CCDC192: variants seen among roughly 807,000 people sequenced by gnomAD.
CCDC192 encodes coiled-coil domain-containing protein 192.
intron 3 of CCDC192, among the ~76,000 whole-genome samples, chr5:127,762,522 T>A (rs777275644): frequency 2.0e-5 from 3 of 152,220 alleles, no homozygotes; most frequent in Non-Finnish European, 4.4e-5. Flanking sequence ...GAGATGGTGT[T>A]GTTTTGAATA....
At chr5:127,754,774 G>C (rs767519604) in intron 3 of CCDC192, among the ~76,000 whole-genome samples, 5 of 152,180 alleles carry the variant, frequency 3.3e-5, no homozygotes, top group Admixed American at 6.5e-5. Context: ...CCATGCAGAA[G>C]TAATTTTCTT....
chr5:127,719,835 G>GA (rs1554068217), intron 2 of CCDC192, among the ~76,000 whole-genome samples: 4 of 134,668 alleles, frequency 3.0e-5, no homozygotes, highest in African/African-American at 1.3e-4. Flanking sequence ...AGGAAGGGGC[G>GA]GGGGAGGTGA....
At chr5:127,913,492 T>C (rs1753433735) in intron 6 of CCDC192, among the ~76,000 whole-genome samples, 1 of 152,246 alleles carries the variant, frequency 6.6e-6, no homozygotes, top group Non-Finnish European at 1.5e-5. Flanking sequence ...GGTTCACTTC[T>C]ACCTAGACCG....
intron 6 of CCDC192, among the ~76,000 whole-genome samples, chr5:127,912,842 CTAATCATAGA>C (rs1753414808): frequency 6.6e-6 from 1 of 152,130 alleles, no homozygotes; most frequent in Admixed American, 6.5e-5. Context: ...AGGCTTATAC[CTAATCATAGA>C]ATAAAACACA....
In CCDC192 at chr5:127,726,566, A is replaced by G. The variant is rs114787374; in HGVS notation, c.114+18806A>G. ...GCCATCACTGCAGCTCCAGTCTGCC[A>G]TTTTCTCCTGTGGGTGCTGGGGAGG... On this transcript the variant is annotated intron_variant, in intron 2 of 6. Transcript: ENST00000514853. Among the ~76,000 whole-genome samples, 951 of 152,260 alleles carry G rather than the reference A, an allele frequency of 6.2e-3. 6 individuals are homozygous for G. The highest frequency in any genetic ancestry group is 0.01 in the Non-Finnish European group (706 of 68,024).
rs67683440 is a variant in CCDC192, at chr5:127,847,821, TTAAATAAATAAATAAA to T, written c.412-27698_412-27683del. Among the ~76,000 whole-genome samples, 3 of 142,782 alleles carry T rather than the reference TTAAATAAATAAATAAA, an allele frequency of 2.1e-5. No individual in the cohort carries two copies. In the East Asian group the frequency reaches 6.2e-4, roughly 30 times the overall value. 93.7% of individuals were successfully genotyped at this position (142,782 alleles called of 152,430 possible). On this transcript the variant is annotated intron_variant, in intron 5 of 6. Coordinates refer to ENST00000514853, the MANE Select transcript of CCDC192 (RefSeq NM_001317938.2). ...CTGGGCAACAGAGTGAGACTCCATC[TTAAATAAATAAATAAA>T]TAAATAAATAAATAAATACATAAAT...
At position 127,863,732 on chromosome 5, in the gene CCDC192, GA is replaced by G. The variant is rs545917338; in HGVS notation, c.412-11798del. ...TGCACTTTAAAATCACAATTAAAAA[GA>G]AAAAAAAGTCTTCGAGTTGAAAAGT... On this transcript the variant is annotated intron_variant, in intron 5 of 6. Coordinates refer to ENST00000514853, the MANE Select transcript of CCDC192 (RefSeq NM_001317938.2). Among the ~76,000 whole-genome samples the G allele has an allele frequency of 1.0e-3, 158 of 151,610 alleles. No homozygotes were observed. The South Asian group carries it at 0.014, about 14-fold the overall frequency.
intron 5 of CCDC192, among the ~76,000 whole-genome samples, chr5:127,851,993 A>T (rs72790402): frequency 0.052 from 7,869 of 152,346 alleles, 297 homozygotes; most frequent in Middle Eastern, 0.12. Flanking sequence ...ATGAAAAATT[A>T]AACCAGTTTT....
At chr5:127,892,006 C>T (rs1752746293) in intron 6 of CCDC192, among the ~76,000 whole-genome samples, 1 of 152,168 alleles carries the variant, frequency 6.6e-6, no homozygotes, top group African/African-American at 2.4e-5. Flanking sequence ...TGCATAAAGA[C>T]AGGCAGAAGT....
At position 127,935,407 on chromosome 5, in the gene CCDC192, G is replaced by A. The variant is rs17674887; in HGVS notation, c.536-5775G>A. On this transcript the variant is annotated intron_variant, in intron 6 of 6. Coordinates refer to ENST00000514853, the MANE Select transcript of CCDC192 (RefSeq NM_001317938.2). ...TTCTCTGTTCAATGCATACTTTTTGGTGGCACCCATAAAGAAATCAAAAGG... is the reference window on the plus strand; with the variant it reads ...TTCTCTGTTCAATGCATACTTTTTGATGGCACCCATAAAGAAATCAAAAGG... 1,279 of 152,202 alleles carry A rather than the reference G, an allele frequency of 8.4e-3. 10 individuals are homozygous for A. The highest frequency in any genetic ancestry group is 0.014 in the Non-Finnish European group (962 of 68,012). The allele number at this position is 152,202 out of a possible 1,614,324, so 9.4% of individuals were successfully genotyped here.
intron 2 of CCDC192, among the ~76,000 whole-genome samples, chr5:127,722,006 G>T (rs930910914): frequency 5.9e-5 from 9 of 152,144 alleles, no homozygotes; most frequent in Non-Finnish European, 1.2e-4. Flanking sequence ...TGAGATTTGG[G>T]TGGGGATACA....
chr5:127,795,962 G>T (rs1003565177), intron 3 of CCDC192, among the ~76,000 whole-genome samples: 2 of 152,030 alleles, frequency 1.3e-5, no homozygotes, highest in Admixed American at 6.6e-5. Flanking sequence ...GAGCCAAAAG[G>T]CATGGCCAGC....
intron 3 of CCDC192, among the ~76,000 whole-genome samples, chr5:127,774,527 C>A (rs1233322449): frequency 2.0e-5 from 3 of 152,198 alleles, no homozygotes; most frequent in Non-Finnish European, 4.4e-5. Flanking sequence ...GCCTATTAAA[C>A]TGTCTTGGCA....
intron 3 of CCDC192, among the ~76,000 whole-genome samples, chr5:127,758,085 G>T (rs1269545338): frequency 6.6e-6 from 1 of 151,996 alleles, no homozygotes; most frequent in East Asian, 2.0e-4. Context: ...AATGGATCCT[G>T]CCTTTGAGAA....
At chr5:127,730,729 A>C (rs1224642555) in intron 2 of CCDC192, among the ~76,000 whole-genome samples, 2 of 152,216 alleles carry the variant, frequency 1.3e-5, no homozygotes, top group African/African-American at 4.8e-5. Context: ...AAATCAATAA[A>C]TGTAATTCAT....
chr5:127,869,847 C>T (rs1751772781), intron 5 of CCDC192, among the ~76,000 whole-genome samples: 1 of 151,984 alleles, frequency 6.6e-6, no homozygotes, highest in Non-Finnish European at 1.5e-5. Context: ...TAGCATTTTG[C>T]AACATAAAAT....
chr5:127,726,871 A>C (rs965375944), intron 2 of CCDC192, among the ~76,000 whole-genome samples: 3 of 152,168 alleles, frequency 2.0e-5, no homozygotes, highest in African/African-American at 7.2e-5. Context: ...CCTCCCACAC[A>C]GTGCACCCGC....
intron 6 of CCDC192, among the ~76,000 whole-genome samples, chr5:127,891,048 A>G (rs778228905): frequency 7.2e-5 from 11 of 151,978 alleles, no homozygotes; most frequent in Non-Finnish European, 1.2e-4. Flanking sequence ...CAGGAGAATG[A>G]CCTTGCTTGT....
intron 6 of CCDC192, among the ~76,000 whole-genome samples, chr5:127,886,615 G>A (rs1183080725): frequency 2.6e-5 from 4 of 152,068 alleles, no homozygotes; most frequent in East Asian, 1.9e-4. Context: ...CTAGATGACT[G>A]TGTTATAAGA....
Sources: allele counts gnomAD v4.1 joint callset (sites outside exome capture counted in the v4.1 genomes callset), GRCh38; gene constraint gnomAD v4.1.1; transcripts MANE v1.5; gene names NCBI Gene and HGNC (gene_info 2026-07-23, HGNC 2026-07-21).